CDCP1: variants seen among roughly 807,000 people sequenced by gnomAD.
The protein encoded by CDCP1 is CUB domain containing protein 1.
Under a neutral mutation model 60.2 loss-of-function variants are expected in CDCP1, and 29 were observed. The ratio of observed to expected loss-of-function variants is 0.48; its 90% CI spans 0.36 to 0.66. The LOEUF (loss-of-function observed/expected upper bound fraction) is 0.66. Ranked by LOEUF, CDCP1 falls within the 30% of genes least tolerant of loss-of-function variation. The probability of loss-of-function intolerance (pLI) is 0.00; values close to 1 mark genes in which losing one functional copy is unlikely to be tolerated. For missense variants in CDCP1, 876 were observed against 1,074.3 expected, an observed-to-expected ratio of 0.82 and a Z score of 2.58; for synonymous variants, 387 against 431.1, an observed-to-expected ratio of 0.90 and a Z score of 1.27.
At chr3:45,088,894 TC>T (rs1386412367) in intron 8 of CDCP1, among the ~76,000 whole-genome samples, 159 bp downstream of exon 8, 9 of 151,844 alleles carry the variant, frequency 5.9e-5, no homozygotes, top group African/African-American at 2.2e-4. Context: ...ATTTTTTTTC[TC>T]CTGAAAGCAT....
At position 45,118,397 on chromosome 3, in the gene CDCP1, C is replaced by T; in HGVS notation, c.292+15G>A. 1 of 1,585,374 alleles carries T rather than the reference C, an allele frequency of 6.3e-7. No homozygotes were observed. The highest frequency in any genetic ancestry group is 8.7e-7 in the Non-Finnish European group (1 of 1,153,846). ...TTAAAAGACATTGTCAAACAGCTCA[C>T]AAGTGTCTACTTACCAATATTTTTC... On this transcript the variant is annotated intron_variant, in intron 2 of 8. Coordinates refer to ENST00000296129, the MANE Select transcript of CDCP1 (RefSeq NM_022842.5).
At chr3:45,087,580 CCCATGTGTTATAGGTACAG>C (rs1433132756) in intron 8 of CDCP1, among the ~76,000 whole-genome samples, 1 of 152,136 alleles carries the variant, frequency 6.6e-6, no homozygotes, top group African/African-American at 2.4e-5. Flanking sequence ...TCCTTTTTCC[CCCATGTGTTATAGGTACAG>C]CCACTTCTCA....
intron 1 of CDCP1, among the ~76,000 whole-genome samples, chr3:45,140,236 A>G (rs1699265603): frequency 6.6e-6 from 1 of 152,122 alleles, no homozygotes; most frequent in Non-Finnish European, 1.5e-5. Flanking sequence ...AACTCTATAT[A>G]ATCTTTGGAC....
chr3:45,089,038 A>G lies in CDCP1; in HGVS notation c.2081+16T>C. On this transcript the variant is annotated intron_variant, in intron 8 of 8. Coordinates refer to ENST00000296129, the MANE Select transcript of CDCP1 (RefSeq NM_022842.5). ...AGGCATCAAATCAGATAAAGAGAGT[A>G]AGAGATTCCACCTACTTCTTTTTCA... 2 of 1,601,542 alleles carry G rather than the reference A, an allele frequency of 1.2e-6. No homozygotes were observed. Among genetic ancestry groups the G allele is most frequent in the Non-Finnish European group, 1.7e-6 (2 of 1,168,538 alleles).
chr3:45,090,589 C>A (rs979605788), intron 7 of CDCP1, among the ~76,000 whole-genome samples: 6 of 152,240 alleles, frequency 3.9e-5, no homozygotes, highest in Admixed American at 3.9e-4. Flanking sequence ...GAAGAGACTT[C>A]CCCTACGTAA....
Position 45,086,039 on chromosome 3 carries a change from C to T in CDCP1, c.2110G>A (p.Val704Met), listed in dbSNP as rs766336645. 4 of 1,613,938 alleles carry T rather than the reference C, an allele frequency of 2.5e-6. No individual in the cohort carries two copies. In the African/African-American group the frequency reaches 5.3e-5, roughly 22 times the overall value. ...TTGATGTTGTCATTGTAGATACCCACAGCGGGGCCCTTGTTTGTCTTCTTT... is the reference window on the plus strand; with the variant it reads ...TTGATGTTGTCATTGTAGATACCCATAGCGGGGCCCTTGTTTGTCTTCTTT... The part of the protein sequence containing the change: ...KKKKTNKGPA[V>M]GIYNDNINTE... Residue 704 changes from valine (V) to methionine (M), a missense_variant, in exon 9 of 9, where the codon GTG becomes ATG. Physicochemically the swap from Val to Met is conservative, Grantham distance 21. This residue lies in a region of CDCP1 where 726 missense variants were observed against 935.7 expected (regional missense o/e 0.78). Coordinates refer to ENST00000296129, the MANE Select transcript of CDCP1 (RefSeq NM_022842.5).
chr3:45,124,414 A>G (rs1303154658), intron 1 of CDCP1, among the ~76,000 whole-genome samples: 1 of 152,150 alleles, frequency 6.6e-6, no homozygotes, highest in Non-Finnish European at 1.5e-5. Context: ...CTGTCCAAGG[A>G]AGATGGACTG....
In CDCP1 at chr3:45,110,182, G is replaced by T. The variant is rs113026464; in HGVS notation, c.1024+291C>A. 117 of 1,257,770 alleles carry T rather than the reference G, an allele frequency of 9.3e-5. 1 individual carries two copies. The African/African-American group carries it at 1.5e-3, about 16-fold the overall frequency. The allele number at this position is 1,257,770 out of a possible 1,614,324, so 77.9% of individuals were successfully genotyped here. ...ATCCTCATTCACATTGCAGGGTCAAGACATAAGATCTAGAAAAATGACCTT... is the reference window on the plus strand; with the variant it reads ...ATCCTCATTCACATTGCAGGGTCAATACATAAGATCTAGAAAAATGACCTT... On this transcript the variant is annotated intron_variant, in intron 4 of 8. Coordinates refer to ENST00000296129, the MANE Select transcript of CDCP1 (RefSeq NM_022842.5).
Position 45,146,230 on chromosome 3 carries a change from C to T in CDCP1, c.58G>A (p.Ala20Thr), listed in dbSNP as rs1484478970. ...CCTGCCCCGCGCGGCAGGCGCGCCGCACCCAGCAGCAGAACCCCTAGCAGT... is the reference window on the plus strand; with the variant it reads ...CCTGCCCCGCGCGGCAGGCGCGCCGTACCCAGCAGCAGAACCCCTAGCAGT... ...IALLGVLLLGAARLPRGAEAF... is the reference protein window; with the variant it reads ...IALLGVLLLGTARLPRGAEAF... The change falls in exon 1 of 9, where the codon GCG (alanine) becomes ACG (threonine). Residue 20 changes from alanine (A) to threonine (T), a missense_variant. Physicochemically the swap from Ala to Thr is moderately conservative, Grantham distance 58. Around this residue, in one of 2 missense-constraint regions of CDCP1, gnomAD observed 150 missense variants for 138.6 expected, o/e 1.08. Transcript: ENST00000296129. The T allele has an allele frequency of 1.3e-6, 2 of 1,597,410 alleles. No homozygotes were observed. Among genetic ancestry groups the T allele is most frequent in the Middle Eastern group, 3.3e-4 (2 of 6,004 alleles).
rs2125987541 is a variant in CDCP1 at position 45,085,058 on chromosome 3, CA to C, written c.*579del. The C allele has an allele frequency of 6.6e-6, 1 of 152,540 alleles. No homozygotes were observed. The highest frequency in any genetic ancestry group is 1.9e-4 in the East Asian group (1 of 5,184). 9.4% of individuals were successfully genotyped at this position (152,540 alleles called of 1,614,324 possible). On this transcript the variant is annotated 3_prime_UTR_variant, in exon 9 of 9. Coordinates refer to ENST00000296129, the MANE Select transcript of CDCP1 (RefSeq NM_022842.5). The surrounding 1 kb of genome is among the most constrained non-coding windows in gnomAD (Gnocchi z 4.2). ...TAAATTATTCCCACCACCTGGGGGA[CA>C]GGCACACGTTTATCTAGCGGTCAGT...
chr3:45,089,083 G>A lies in CDCP1; in HGVS notation c.2052C>T (p.Leu684=), dbSNP rs750658400. ...VGGGVLLLSA[L]GLIICCVKKK... The stretch of plus-strand genomic sequence containing the variant: ...TTTTCACACAGCAAATGATGAGCCC[G>A]AGGGCAGACAGCAGTAAGACTCCAC... Residue 684 remains leucine, a synonymous_variant, in exon 8 of 9, where the codon CTC becomes CTT. Transcript: ENST00000296129. The A allele has an allele frequency of 1.9e-5, 30 of 1,613,942 alleles. No individual in the cohort carries two copies. The East Asian group carries it at 2.7e-4, about 14-fold the overall frequency.
At chr3:45,090,182 C>T (rs1457130046) in intron 7 of CDCP1, among the ~76,000 whole-genome samples, 6 of 152,144 alleles carry the variant, frequency 3.9e-5, no homozygotes, top group Non-Finnish European at 5.9e-5. Context: ...CTTGGATGGA[C>T]CTTCAATCAC....
intron 1 of CDCP1, among the ~76,000 whole-genome samples, chr3:45,140,172 T>C (rs1209630022): frequency 1.3e-5 from 2 of 152,228 alleles, no homozygotes; most frequent in Non-Finnish European, 2.9e-5. Flanking sequence ...TTTTGTGACA[T>C]GGCAGATGCC....
intron 1 of CDCP1, among the ~76,000 whole-genome samples, chr3:45,124,425 A>G (rs1382143107): frequency 6.6e-6 from 1 of 152,142 alleles, no homozygotes; most frequent in African/African-American, 2.4e-5. Context: ...AGATGGACTG[A>G]GCAGCTCCCA....
chr3:45,104,974 G>C lies in CDCP1; in HGVS notation c.1024+5499C>G, dbSNP rs577383648. Among the ~76,000 whole-genome samples, 5 of 152,348 alleles carry C rather than the reference G, an allele frequency of 3.3e-5. No homozygotes were observed. In the East Asian group the frequency reaches 9.6e-4, roughly 29 times the overall value. On this transcript the variant is annotated intron_variant, in intron 4 of 8. Coordinates refer to ENST00000296129, the MANE Select transcript of CDCP1 (RefSeq NM_022842.5). ...GAGACAGGAGAATCGCTTGAACCCA[G>C]GAGGCGGAGGTTGCGGTGAGCCAAG...
chr3:45,121,010 A>C (rs961967530), intron 1 of CDCP1, among the ~76,000 whole-genome samples: 1 of 152,144 alleles, frequency 6.6e-6, no homozygotes, highest in African/African-American at 2.4e-5. Context: ...TGGTAGCCCC[A>C]CGACCAAGGC....
In CDCP1 at chr3:45,146,308, TCGGTGGGGAAAACGA is replaced by T. The variant is rs746188728; in HGVS notation, c.-36_-22del. 8 of 1,549,532 alleles carry T rather than the reference TCGGTGGGGAAAACGA, an allele frequency of 5.2e-6. No individual in the cohort carries two copies. The South Asian group carries it at 7.2e-5, about 14-fold the overall frequency. ...GCCATGACTCCGGGACGCCTCGGCC[TCGGTGGGGAAAACGA>T]CGGTGGGGAGCGGCGGCCCCAGGCG... On this transcript the variant is annotated 5_prime_UTR_variant, in exon 1 of 9. Coordinates refer to ENST00000296129, the MANE Select transcript of CDCP1 (RefSeq NM_022842.5).
intron 8 of CDCP1, among the ~76,000 whole-genome samples, chr3:45,087,577 TC>T (rs1268557049): frequency 6.6e-6 from 1 of 152,104 alleles, no homozygotes; most frequent in East Asian, 1.9e-4. Flanking sequence ...CAGTCCTTTT[TC>T]CCCCATGTGT....
chr3:45,088,459 C>T (rs1280674779), intron 8 of CDCP1, among the ~76,000 whole-genome samples: 4 of 152,108 alleles, frequency 2.6e-5, no homozygotes, highest in African/African-American at 7.2e-5. Flanking sequence ...GGCAACAGAG[C>T]AAGACTCTGT....
Sources: gnomAD v4.1 joint callset for allele counts (sites outside exome capture counted in the v4.1 genomes callset) on GRCh38, gnomAD v4.1.1 for gene constraint, gnomAD v4.1.1 regional missense constraint, Gnocchi (gnomAD v3.1) non-coding constraint, MANE v1.5 for transcripts, NCBI Gene and HGNC (gene_info 2026-07-23, HGNC 2026-07-21) for gene names.